Variants in CELF4 observed in about 807,000 individuals in gnomAD.
CELF4 encodes the protein CUGBP Elav-like family member 4.
CELF4 carries 18 observed loss-of-function variants against 59.9 expected under a neutral mutation model. That is an observed-to-expected ratio of 0.30 (90% CI 0.21 to 0.45). The LOEUF (loss-of-function observed/expected upper bound fraction) is 0.45, where lower values mean the gene tolerates loss of function less well. Ranked by LOEUF, CELF4 falls within the 20% of genes least tolerant of loss-of-function variation. The pLI is 1.00. For synonymous variants in CELF4, 261 were observed against 267.1 expected (o/e 0.98, Z 0.22); for missense variants, 456 against 689.0 (o/e 0.66, Z 3.79).
intron 3 of CELF4, among the ~76,000 whole-genome samples, chr18:37,300,041 T>C (rs1603358741): frequency 1.3e-5 from 2 of 152,176 alleles, no homozygotes; most frequent in Non-Finnish European, 2.9e-5. Context: ...GAGGCAGACC[T>C]GAAACTGCCC....
rs558228471 is a variant in CELF4, at chr18:37,362,432, C to T, written c.370-40551G>A. Among the ~76,000 whole-genome samples the T allele has an allele frequency of 6.6e-4, 101 of 152,328 alleles. 1 individual carries two copies. Among genetic ancestry groups the T allele is most frequent in the Admixed American group, 2.0e-3 (30 of 15,310 alleles). On this transcript the variant is annotated intron_variant, in intron 2 of 12. Transcript: ENST00000420428. ...ATTGGCGATTCTGCAGCCCTGTTAG[C>T]TCCAGGCATGGGGCTGGCCGGCTGT...
In CELF4 at chr18:37,243,947, T is replaced by C; in HGVS notation, c.*1295A>G. 1 of 177,412 alleles carries C rather than the reference T, an allele frequency of 5.6e-6. No individual in the cohort carries two copies. The highest frequency in any genetic ancestry group is 1.2e-5 in the Non-Finnish European group (1 of 83,420). The allele number at this position is 177,412 out of a possible 1,614,324, so 11.0% of individuals were successfully genotyped here. A position where few individuals can be genotyped will look rare whatever the true frequency, so the allele number is the denominator to read the frequency against. On this transcript the variant is annotated 3_prime_UTR_variant, in exon 13 of 13. Transcript: ENST00000420428. Reference sequence around the variant, plus strand: ...GGCGGCGACCCGGGCGACGCGACCGTTCCCGACCGACGGCGTGGCCTCCAC... The same window carrying C: ...GGCGGCGACCCGGGCGACGCGACCGCTCCCGACCGACGGCGTGGCCTCCAC...
intron 3 of CELF4, among the ~76,000 whole-genome samples, chr18:37,294,193 T>C (rs969119233): frequency 6.6e-6 from 1 of 152,128 alleles, no homozygotes; most frequent in Non-Finnish European, 1.5e-5. Flanking sequence ...GCTGGGGAGA[T>C]GTCTTTGGAT....
intron 2 of CELF4, among the ~76,000 whole-genome samples, chr18:37,404,588 A>T (rs1337756011): frequency 1.3e-5 from 2 of 152,178 alleles, no homozygotes; most frequent in Non-Finnish European, 2.9e-5. Context: ...GGGCCTGGAC[A>T]TCACTCCAGC....
At chr18:37,433,928 A>G (rs1164061144) in intron 2 of CELF4, among the ~76,000 whole-genome samples, 1 of 152,196 alleles carries the variant, frequency 6.6e-6, no homozygotes. Context: ...AGAGTTTGGA[A>G]GTGTTTATTT....
intron 3 of CELF4, among the ~76,000 whole-genome samples, chr18:37,308,004 G>A (rs1429255887): frequency 6.6e-6 from 1 of 152,116 alleles, no homozygotes; most frequent in African/African-American, 2.4e-5. Context: ...TGGAGGTCTG[G>A]AGGCAGCAGG....
At chr18:37,350,714 C>A (rs2098421105) in intron 2 of CELF4, among the ~76,000 whole-genome samples, 1 of 152,232 alleles carries the variant, frequency 6.6e-6, no homozygotes, top group Non-Finnish European at 1.5e-5. Flanking sequence ...GATGACCTCG[C>A]AAGGGTCCCT....
At chr18:37,557,373 G>A (rs1028576664) in intron 1 of CELF4, among the ~76,000 whole-genome samples, 3 of 152,190 alleles carry the variant, frequency 2.0e-5, no homozygotes, top group Admixed American at 6.5e-5. Flanking sequence ...CCCTGCCCTC[G>A]GTGCACAACA....
intron 3 of CELF4, among the ~76,000 whole-genome samples, chr18:37,307,061 G>A (rs892288487): frequency 1.5e-4 from 23 of 152,200 alleles, no homozygotes; most frequent in African/African-American, 5.5e-4. Context: ...GAGACAGAGG[G>A]GGCCACCAAG....
At chr18:37,468,117 G>C (rs1309752069) in intron 2 of CELF4, among the ~76,000 whole-genome samples, 2 of 152,210 alleles carry the variant, frequency 1.3e-5, no homozygotes, top group Non-Finnish European at 2.9e-5. Context: ...TGTGGAAGAG[G>C]GAGAGCTCCA....
chr18:37,434,027 AAGGCCCTAC>A (rs2099680351), intron 2 of CELF4, among the ~76,000 whole-genome samples: 2 of 152,228 alleles, frequency 1.3e-5, no homozygotes, highest in East Asian at 3.9e-4. Flanking sequence ...CCCTACACCT[AAGGCCCTAC>A]AGGCATCTGG....
At chr18:37,352,977 T>C (rs2098474852) in intron 2 of CELF4, among the ~76,000 whole-genome samples, 1 of 152,016 alleles carries the variant, frequency 6.6e-6, no homozygotes, top group Non-Finnish European at 1.5e-5. Flanking sequence ...ATCCCAGCAC[T>C]TTGGGAGGCC....
intron 11 of CELF4, among the ~76,000 whole-genome samples, chr18:37,257,736 G>C (rs1283239788): frequency 2.0e-5 from 3 of 152,090 alleles, no homozygotes; most frequent in East Asian, 3.9e-4. Context: ...CCCAGCCCCA[G>C]AATCTGGGGG....
At chr18:37,377,117 G>A (rs2098979805) in intron 2 of CELF4, among the ~76,000 whole-genome samples, 1 of 152,074 alleles carries the variant, frequency 6.6e-6, no homozygotes, top group Admixed American at 6.5e-5. Context: ...TGGAGAAGGA[G>A]AGAGAGAAAA....
intron 2 of CELF4, among the ~76,000 whole-genome samples, chr18:37,327,677 G>T (rs1412399771): frequency 1.3e-5 from 2 of 152,078 alleles, no homozygotes; most frequent in Non-Finnish European, 2.9e-5. Flanking sequence ...GGGAGGCAAG[G>T]GGGGGTCCAC....
At chr18:37,477,819 G>A (rs979952854) in intron 2 of CELF4, among the ~76,000 whole-genome samples, 2 of 152,192 alleles carry the variant, frequency 1.3e-5, no homozygotes, top group Admixed American at 6.5e-5. Context: ...TTCGCAGGGG[G>A]CAGGCTATCT....
intron 1 of CELF4, among the ~76,000 whole-genome samples, chr18:37,534,662 A>G (rs2099972081): frequency 1.3e-5 from 2 of 152,204 alleles, no homozygotes; most frequent in Admixed American, 1.3e-4. Flanking sequence ...ATTAATATTC[A>G]GATAACTATA....
chr18:37,357,625 A>G (rs911700190), intron 2 of CELF4, among the ~76,000 whole-genome samples: 3 of 152,172 alleles, frequency 2.0e-5, no homozygotes, highest in Non-Finnish European at 4.4e-5. Context: ...CAGACCCCAG[A>G]AAGGTAGATC....
chr18:37,506,927 C>T (rs2154604124), intron 1 of CELF4, among the ~76,000 whole-genome samples: 1 of 152,274 alleles, frequency 6.6e-6, no homozygotes, highest in Admixed American at 6.5e-5. Flanking sequence ...GGTCAGGCAC[C>T]CTCGTTTCCT....
Sources: allele counts gnomAD v4.1 joint callset (sites outside exome capture counted in the v4.1 genomes callset), GRCh38; gene constraint gnomAD v4.1.1; transcripts MANE v1.5; gene names NCBI Gene and HGNC (gene_info 2026-07-23, HGNC 2026-07-21).